CMIP: variants seen among roughly 807,000 people sequenced by gnomAD.
CMIP encodes C-Maf-inducing protein.
A neutral mutation model predicts 97.3 loss-of-function variants in CMIP; 13 were observed. The observed-to-expected ratio is 0.13, with a 90% CI of 0.09 to 0.21. The LOEUF (loss-of-function observed/expected upper bound fraction) is 0.21, where lower values mean the gene tolerates loss of function less well. Among genes scored for constraint, CMIP ranks in the 10% least tolerant of loss-of-function variants. The probability of loss-of-function intolerance (pLI) is 1.00; values close to 1 mark genes in which losing one functional copy is unlikely to be tolerated. For missense variants in CMIP, 847 were observed against 1,024.9 expected, an observed-to-expected ratio of 0.83 and a Z score of 2.37; for synonymous variants, 538 against 436.3, an observed-to-expected ratio of 1.23 and a Z score of -2.91.
At chr16:81,605,413 T>A (rs919438733) in intron 1 of CMIP, among the ~76,000 whole-genome samples, 1 of 151,454 alleles carries the variant, frequency 6.6e-6, no homozygotes, top group African/African-American at 2.4e-5. Context: ...CCTGGACCTG[T>A]GCAGCAGCCT....
chr16:81,707,824 C>T (rs1908316863), intron 20 of CMIP, among the ~76,000 whole-genome samples: 2 of 152,354 alleles, frequency 1.3e-5, no homozygotes, highest in South Asian at 4.1e-4. Flanking sequence ...GGCAGAGGGC[C>T]AGCATCCTGG....
In CMIP at chr16:81,658,482, G is replaced by A. The variant is rs149106979; in HGVS notation, c.681+666G>A. On this transcript the variant is annotated intron_variant, in intron 5 of 20. Transcript: ENST00000537098. The stretch of plus-strand genomic sequence containing the variant: ...TCACCGCAAAAAATAGAGACATTGA[G>A]TGCAGAGAGTAAGTAGAGTGATAAA... Among the ~76,000 whole-genome samples the A allele has an allele frequency of 3.1e-3, 476 of 152,348 alleles. 1 individual carries two copies. The highest frequency in any genetic ancestry group is 0.011 in the African/African-American group (445 of 41,580).
chr16:81,488,887 G>A (rs1449297662), intron 1 of CMIP, among the ~76,000 whole-genome samples: 1 of 152,142 alleles, frequency 6.6e-6, no homozygotes, highest in African/African-American at 2.4e-5. Flanking sequence ...ATTGATGCTG[G>A]ACTTTGCTTC....
chr16:81,711,499 T>A lies in CMIP; in HGVS notation c.*1700T>A, dbSNP rs2151118111. 1 of 151,890 alleles carries A rather than the reference T, an allele frequency of 6.6e-6. No homozygotes were observed. The allele number at this position is 151,890 out of a possible 1,614,324, so 9.4% of individuals were successfully genotyped here. ...GTTTTTTGTTGTTGTTTTTAGTTGT[T>A]TGGTTTTCTTTTCTTTCCCCCCTCC... is the stretch of plus-strand genomic sequence containing the variant. On this transcript the variant is annotated 3_prime_UTR_variant, in exon 21 of 21. Transcript: ENST00000537098.
chr16:81,460,668 T>A (rs1906847572), intron 1 of CMIP, among the ~76,000 whole-genome samples: 1 of 152,222 alleles, frequency 6.6e-6, no homozygotes, highest in Non-Finnish European at 1.5e-5. Context: ...CCCAGGACCC[T>A]GGCTGATGCA....
intron 1 of CMIP, among the ~76,000 whole-genome samples, chr16:81,451,830 A>G (rs988776583): frequency 6.6e-6 from 1 of 152,168 alleles, no homozygotes; most frequent in African/African-American, 2.4e-5. Flanking sequence ...CCAGGATGGA[A>G]GCCAGGCCAC....
chr16:81,489,361 C>G (rs1597470257), intron 1 of CMIP, among the ~76,000 whole-genome samples: 1 of 152,300 alleles, frequency 6.6e-6, no homozygotes, highest in South Asian at 2.1e-4. Flanking sequence ...ACTTTACTTG[C>G]AGAGGCTCCA....
Position 81,510,810 on chromosome 16 carries a change from C to G in CMIP, c.300+65269C>G, listed in dbSNP as rs921372402. Among the ~76,000 whole-genome samples, 7 of 152,154 alleles carry G rather than the reference C, an allele frequency of 4.6e-5. No individual in the cohort carries two copies. In the East Asian group the frequency reaches 5.8e-4, roughly 13 times the overall value. On this transcript the variant is annotated intron_variant, in intron 1 of 20. Transcript: ENST00000537098. The stretch of plus-strand genomic sequence containing the variant: ...TCTCAGCTCACTGCAACCTCCACCT[C>G]CCAGGTTCAAGCAATTCTCCTGCCT...
At chr16:81,657,207 A>G (rs8061723) in intron 4 of CMIP, among the ~76,000 whole-genome samples, 29,277 of 152,062 alleles carry the variant, frequency 0.19, 3,244 homozygotes, top group East Asian at 0.46. Context: ...CAACCTAATT[A>G]TGTTTTTGCA....
At chr16:81,466,359 C>A (rs1000106042) in intron 1 of CMIP, among the ~76,000 whole-genome samples, 4 of 152,224 alleles carry the variant, frequency 2.6e-5, no homozygotes, top group Non-Finnish European at 5.9e-5. Flanking sequence ...CTAGGCCTGG[C>A]CTCTTTCCCT....
At chr16:81,471,324 A>G (rs1382487994) in intron 1 of CMIP, among the ~76,000 whole-genome samples, 1 of 152,176 alleles carries the variant, frequency 6.6e-6, no homozygotes, top group East Asian at 1.9e-4. Context: ...ACGCACACAT[A>G]TGCACACATA....
In CMIP at chr16:81,678,323, G is replaced by T; in HGVS notation, c.1083G>T (p.Gln361His). 1 of 1,610,224 alleles carries T rather than the reference G, an allele frequency of 6.2e-7. No homozygotes were observed. Residue 361 changes from glutamine to histidine, a missense_variant, in exon 10 of 21, where the codon CAG (glutamine) becomes CAT (histidine). Physicochemically the swap from Gln to His is conservative, Grantham distance 24 (BLOSUM62 0). Around this residue, in one of 4 missense-constraint regions of CMIP, gnomAD observed 202 missense variants for 168.7 expected, o/e 1.20. Transcript: ENST00000537098. ...SLKEIRNGCQ[Q>H]PCDRKPTLPL... ...AGGAAATCCGGAACGGCTGCCAGCAGCCGTGCGACCGGAAGCCCACTTTAC... is the reference window on the plus strand; with the variant it reads ...AGGAAATCCGGAACGGCTGCCAGCATCCGTGCGACCGGAAGCCCACTTTAC...
At chr16:81,538,535 A>G (rs995440294) in intron 1 of CMIP, among the ~76,000 whole-genome samples, 2 of 152,156 alleles carry the variant, frequency 1.3e-5, no homozygotes, top group African/African-American at 4.8e-5. Flanking sequence ...GATATCTGCA[A>G]TTTAAGAAGA....
chr16:81,674,103 G>A (rs536988462), intron 9 of CMIP, among the ~76,000 whole-genome samples: 1 of 152,232 alleles, frequency 6.6e-6, no homozygotes, highest in South Asian at 2.1e-4. Flanking sequence ...AATGCCCTCA[G>A]CCTCAGGTCC....
intron 1 of CMIP, among the ~76,000 whole-genome samples, chr16:81,524,592 C>T (rs1273752535): frequency 6.6e-6 from 1 of 152,208 alleles, no homozygotes; most frequent in African/African-American, 2.4e-5. Context: ...CATCACGGCC[C>T]TCATTTTGCA....
intron 1 of CMIP, among the ~76,000 whole-genome samples, chr16:81,456,736 A>G (rs768874986): frequency 8.5e-5 from 13 of 152,152 alleles, no homozygotes; most frequent in Non-Finnish European, 1.2e-4. Flanking sequence ...GTGGCTGGTA[A>G]GCAGAGTTTT....
chr16:81,452,558 G>A (rs1002198268), intron 1 of CMIP, among the ~76,000 whole-genome samples: 2 of 152,048 alleles, frequency 1.3e-5, no homozygotes, highest in African/African-American at 4.8e-5. Context: ...GCGAGTGGTG[G>A]GCTGCTTTGT....
At chr16:81,481,189 GC>G (rs1285375050) in intron 1 of CMIP, among the ~76,000 whole-genome samples, 33 of 152,288 alleles carry the variant, frequency 2.2e-4, no homozygotes, top group Admixed American at 1.6e-3. Flanking sequence ...GCCGTCTGGG[GC>G]TCTTAGGAAT....
chr16:81,521,291 G>C (rs561566751), intron 1 of CMIP, among the ~76,000 whole-genome samples: 1 of 152,316 alleles, frequency 6.6e-6, no homozygotes, highest in East Asian at 1.9e-4. Context: ...TGCCATGGTA[G>C]CAGCAGGATG....
Sources: gnomAD v4.1 joint callset for allele counts (sites outside exome capture counted in the v4.1 genomes callset) on GRCh38, gnomAD v4.1.1 for gene constraint, gnomAD v4.1.1 regional missense constraint, MANE v1.5 for transcripts, NCBI Gene and HGNC (gene_info 2026-07-23, HGNC 2026-07-21) for gene names.